Variants in JCAD observed in about 807,000 individuals in gnomAD.
The protein encoded by JCAD is junctional cadherin 5 associated.
A neutral mutation model predicts 98.0 loss-of-function variants in JCAD; 40 were observed. The ratio of observed to expected loss-of-function variants is 0.41; its 90% CI spans 0.32 to 0.53. The LOEUF (loss-of-function observed/expected upper bound fraction) is 0.53. Ranked by LOEUF, JCAD falls within the 20% of genes least tolerant of loss-of-function variation. The probability of loss-of-function intolerance (pLI) is 0.31; values close to 1 mark genes in which losing one functional copy is unlikely to be tolerated. For synonymous variants in JCAD, 691 were observed against 682.3 expected (o/e 1.01, Z -0.20); for missense variants, 1,705 against 1,738.1 (o/e 0.98, Z 0.34).
chr10:30,058,561 C>T (rs946879029), intron 1 of JCAD, among the ~76,000 whole-genome samples: 1 of 152,330 alleles, frequency 6.6e-6, no homozygotes, highest in African/African-American at 2.4e-5. Flanking sequence ...CCAGAAGAAT[C>T]CCAGGCGCTC....
intron 1 of JCAD, among the ~76,000 whole-genome samples, chr10:30,049,144 G>A (rs745899767): frequency 2.6e-5 from 4 of 152,286 alleles, no homozygotes; most frequent in Middle Eastern, 3.4e-3. Context: ...ATGATAAGGC[G>A]TAAGACGGAT....
chr10:30,078,119 T>C (rs1838011066), intron 1 of JCAD, among the ~76,000 whole-genome samples: 1 of 152,244 alleles, frequency 6.6e-6, no homozygotes, highest in African/African-American at 2.4e-5. Flanking sequence ...GGGTATGAAG[T>C]GGTATCTCAT....
intron 1 of JCAD, among the ~76,000 whole-genome samples, chr10:30,051,280 G>GCACA (rs1554798233): frequency 7.6e-5 from 6 of 78,950 alleles, no homozygotes; most frequent in Non-Finnish European, 9.1e-5. Flanking sequence ...ACGCACACAC[G>GCACA]CACGCACACA....
chr10:30,052,206 G>A (rs1837484995), intron 1 of JCAD, among the ~76,000 whole-genome samples: 1 of 152,190 alleles, frequency 6.6e-6, no homozygotes. Context: ...CTGTTGGGAT[G>A]AGTGTCTGTT....
Position 30,028,982 on chromosome 10 carries a change from C to G in JCAD, c.1166G>C (p.Gly389Ala), listed in dbSNP as rs200313747. The change falls in exon 3 of 4, where the codon GGC (glycine) becomes GCC (alanine). Residue 389 changes from glycine (G) to alanine (A), a missense_variant. By Grantham distance (60) the Gly-to-Ala change is moderately conservative (BLOSUM62 0). Around this residue, in one of 3 missense-constraint regions of JCAD, gnomAD observed 1,278 missense variants for 1,243.1 expected, o/e 1.03. Transcript: ENST00000375377. ...KAGASGQPPS[G>A]PPGTGNEYGV... is the part of the protein sequence containing the mutation. ...ATACTCATTCCCAGTTCCAGGGGGG[C>G]CTGAAGGAGGCTGACCGCTGGCCCC... The G allele has an allele frequency of 6.2e-7, 1 of 1,613,916 alleles. No homozygotes were observed. Among genetic ancestry groups the G allele is most frequent in the African/African-American group, 1.3e-5 (1 of 75,000 alleles).
chr10:30,087,361 C>T (rs929060980), intron 1 of JCAD, among the ~76,000 whole-genome samples: 1 of 152,076 alleles, frequency 6.6e-6, no homozygotes, highest in Non-Finnish European at 1.5e-5. Context: ...ATCGCTTGAA[C>T]CTGGGAGGTG....
At chr10:30,052,972 C>CT (rs1463887666) in intron 1 of JCAD, among the ~76,000 whole-genome samples, 3 of 152,092 alleles carry the variant, frequency 2.0e-5, no homozygotes, top group Non-Finnish European at 4.4e-5. Context: ...TCAACCAGAA[C>CT]TTTTTTCCTT....
intron 1 of JCAD, among the ~76,000 whole-genome samples, chr10:30,091,092 A>G (rs1013430000): frequency 6.6e-6 from 1 of 152,172 alleles, no homozygotes; most frequent in African/African-American, 2.4e-5. Flanking sequence ...CTTAAAGACA[A>G]CCGACTGGTA....
At chr10:30,089,634 T>C (rs2132693537) in intron 1 of JCAD, among the ~76,000 whole-genome samples, 1 of 151,594 alleles carries the variant, frequency 6.6e-6, no homozygotes, top group East Asian at 1.9e-4. Flanking sequence ...ATATCTAGAG[T>C]TCATTAGATA....
chr10:30,047,677 C>T lies in JCAD; in HGVS notation c.136G>A (p.Gly46Arg), dbSNP rs767146173. The T allele has an allele frequency of 2.4e-5, 38 of 1,614,104 alleles. No individual in the cohort carries two copies. The highest frequency in any genetic ancestry group is 3.0e-5 in the Non-Finnish European group (35 of 1,180,048). The change falls in exon 2 of 4, where the codon GGG (glycine) becomes AGG (arginine). Residue 46 changes from glycine to arginine, a missense_variant. Transcript: ENST00000375377. ...GTRAGQGLQN[G>R]HEDGPAALAH... The stretch of plus-strand genomic sequence containing the variant: ...AGGGCCGCAGGGCCATCCTCATGCC[C>T]GTTCTGCAGGCCCTGGCCTGCTCGT...
Position 30,017,581 on chromosome 10 carries a change from T to C in JCAD, c.*302A>G, listed in dbSNP as rs557312734. On this transcript the variant is annotated 3_prime_UTR_variant, in exon 4 of 4. Coordinates refer to ENST00000375377, the MANE Select transcript of JCAD (RefSeq NM_020848.4). ...CCAGAATGAGAGCAACACCAAACTA[T>C]TTACCAGCTTAGTCAAATCTGTCAT... 2.1e-6 allele frequency: 1 copy of C among 482,170 alleles called. No homozygotes were observed. Among genetic ancestry groups the C allele is most frequent in the African/African-American group, 2.0e-5 (1 of 50,540 alleles). The allele number at this position is 482,170 out of a possible 1,614,324, so 29.9% of individuals were successfully genotyped here.
intron 1 of JCAD, among the ~76,000 whole-genome samples, chr10:30,097,261 C>A (rs916989175): frequency 1.3e-5 from 2 of 151,884 alleles, no homozygotes; most frequent in African/African-American, 4.8e-5. Context: ...GGCTAGTGGC[C>A]ACCGTATTGA....
intron 1 of JCAD, among the ~76,000 whole-genome samples, chr10:30,102,810 C>T (rs145189857): frequency 1.7e-4 from 26 of 152,178 alleles, no homozygotes; most frequent in Non-Finnish European, 2.8e-4. Flanking sequence ...TTCCACATGG[C>T]TGGGGAGGCC....
In JCAD at chr10:30,028,159, G is replaced by A. The variant is rs1309415247; in HGVS notation, c.1989C>T (p.Asp663=). ...GEPEEDRQTN[D]LSFIHLTKHR... ...GCTTTGTAAGGTGGATGAAACTGAG[G>A]TCATTTGTTTGTCTGTCTTCTTCTG... Residue 663 remains aspartate (D), a synonymous_variant, in exon 3 of 4, where the codon GAC becomes GAT. Transcript: ENST00000375377. 4 of 1,614,154 alleles carry A rather than the reference G, an allele frequency of 2.5e-6. No individual in the cohort carries two copies. The highest frequency in any genetic ancestry group is 2.2e-5 in the South Asian group (2 of 91,080).
chr10:30,054,319 C>A (rs1423922574), intron 1 of JCAD, among the ~76,000 whole-genome samples: 4 of 152,006 alleles, frequency 2.6e-5, no homozygotes, highest in African/African-American at 9.7e-5. Flanking sequence ...GAAAAATTTC[C>A]TTATTTATAC....
chr10:30,019,372 A>AG (rs1212041172), intron 3 of JCAD, among the ~76,000 whole-genome samples: 3 of 151,276 alleles, frequency 2.0e-5, no homozygotes, highest in East Asian at 3.9e-4. Context: ...AAAAAAAAAA[A>AG]AAAAAGAAAA....
At chr10:30,111,046 A>G (rs1314038509) in intron 1 of JCAD, among the ~76,000 whole-genome samples, 10 of 152,092 alleles carry the variant, frequency 6.6e-5, no homozygotes, top group South Asian at 4.2e-4. Flanking sequence ...CCCCTGATGT[A>G]TAGACCAGCT....
At chr10:30,107,286 A>G (rs765477587) in intron 1 of JCAD, among the ~76,000 whole-genome samples, 2 of 152,344 alleles carry the variant, frequency 1.3e-5, no homozygotes, top group South Asian at 4.1e-4. Flanking sequence ...ATAAAACAGC[A>G]TGAGGTAAAG....
chr10:30,104,806 G>GT (rs869253485), intron 1 of JCAD, among the ~76,000 whole-genome samples: 2 of 147,038 alleles, frequency 1.4e-5, no homozygotes, highest in African/African-American at 5.0e-5. Flanking sequence ...TTGTTTGTTT[G>GT]TTTTTTAAAT....
Sources: allele counts gnomAD v4.1 joint callset (sites outside exome capture counted in the v4.1 genomes callset), GRCh38; gene constraint gnomAD v4.1.1; regional missense constraint gnomAD v4.1.1; transcripts MANE v1.5; gene names NCBI Gene and HGNC (gene_info 2026-07-23, HGNC 2026-07-21).